The following TRAPPC2L variants were observed in gnomAD, a reference collection of about 807,000 sequenced individuals.
TRAPPC2L encodes trafficking protein particle complex subunit 2L, also known as trafficking protein particle complex subunit 2-like protein.
A neutral mutation model predicts 13.2 loss-of-function variants in TRAPPC2L; 17 were observed. That is an observed-to-expected ratio of 1.29 (90% CI 0.88 to 1.93). The LOEUF is 1.93. Among genes scored for constraint, TRAPPC2L ranks in the 30% most tolerant of loss-of-function variants. The probability of loss-of-function intolerance (pLI) is 0.00; values close to 1 mark genes in which losing one functional copy is unlikely to be tolerated. For synonymous variants in TRAPPC2L, 150 were observed against 98.1 expected (o/e 1.53, Z -3.12); for missense variants, 359 against 252.1 (o/e 1.42, Z -2.87).
chr16:88,860,052 T>G, exon 4 of TRAPPC2L: 2 of 1,296,868 alleles, frequency 1.5e-6, no homozygotes, highest in Non-Finnish European at 2.2e-6. Flanking sequence ...ATGCAACCAT[T>G]TGGAAAATAA....
chr16:88,861,939 G>GA, exon 4 of TRAPPC2L: 1 of 250,720 alleles, frequency 4.0e-6, no homozygotes, highest in South Asian at 3.6e-5. Flanking sequence ...AATTATAGAA[G>GA]AAAAAATCAG....
At chr16:88,856,513 C>G (rs1164658320), upstream of TRAPPC2L, 1 of 697,932 alleles carries the variant, frequency 1.4e-6, no homozygotes, top group South Asian at 1.5e-5. Context: ...TGATCGGTGA[C>G]CGCCGAGACC....
At chr16:88,856,887 G>A (rs781533703), upstream of TRAPPC2L, 12 of 1,504,914 alleles carry the variant, frequency 8.0e-6, no homozygotes, top group African/African-American at 1.2e-4. Flanking sequence ...TGGCAACCAC[G>A]GGAGCCGCGG....
chr16:88,859,239 C>A (rs3784876), intron 2 of TRAPPC2L: 16,602 of 536,476 alleles, frequency 0.031, 414 homozygotes, highest in African/African-American at 0.097. Context: ...CAAAAGTCAT[C>A]ATGTAGCCTG....
At chr16:88,858,752 T>G in exon 2 of TRAPPC2L, 1 of 1,613,470 alleles carries the variant, frequency 6.2e-7, no homozygotes, top group Non-Finnish European at 8.5e-7. Context: ...CAGAGGGAGC[T>G]GTACCTGGGC....
chr16:88,858,307 GAGA>G (rs1314144128), intron 1 of TRAPPC2L, among the ~76,000 whole-genome samples: 1 of 152,236 alleles, frequency 6.6e-6, no homozygotes, highest in Non-Finnish European at 1.5e-5. Flanking sequence ...TGGCCTCCAG[GAGA>G]AGGTGAGAGG....
exon 4 of TRAPPC2L, chr16:88,861,824 A>G: frequency 2.8e-6 from 1 of 359,838 alleles, no homozygotes; most frequent in Non-Finnish European, 5.6e-6. Flanking sequence ...GCAGCAGGAA[A>G]GGCTGTAAGG....
At chr16:88,858,691 C>T (rs1228625748) in exon 2 of TRAPPC2L, 2 of 1,613,534 alleles carry the variant, frequency 1.2e-6, no homozygotes, top group Admixed American at 3.3e-5. Context: ...GCACACATCT[C>T]TGGACGTGGT....
rs371486163 is a variant in TRAPPC2L, at chr16:88,859,959, C to T, written c.361C>T (p.Arg121Cys). 96 of 1,526,944 alleles carry T rather than the reference C, an allele frequency of 6.3e-5. No homozygotes were observed. The highest frequency in any genetic ancestry group is 5.6e-4 in the Admixed American group (32 of 57,208). The allele number at this position is 1,526,944 out of a possible 1,614,324, so 94.6% of individuals were successfully genotyped here. The change falls in exon 4 of 4, where the codon CGC (arginine) becomes TGC (cysteine). Residue 121 changes from arginine to cysteine, a missense_variant. Physicochemically the swap from Arg to Cys is radical, Grantham distance 180. Coordinates refer to ENST00000565504, the Ensembl canonical transcript of TRAPPC2L. ...CAACCCCTTCTACAACCCGGGGGAC[C>T]GCATCCAGTCCAGGTGGGCCCTACT...
At chr16:88,856,268 G>A (rs1967867390), upstream of TRAPPC2L, 1 of 703,052 alleles carries the variant, frequency 1.4e-6, no homozygotes, top group East Asian at 2.7e-5. Flanking sequence ...GCCCAGCGGG[G>A]GGACCCGGCG....
intron 2 of TRAPPC2L, chr16:88,859,326 G>A (rs578192161): frequency 1.4e-4 from 90 of 660,086 alleles, no homozygotes; most frequent in African/African-American, 1.2e-3. Flanking sequence ...CCTTGTTCAC[G>A]AAGCCTCTGG....
intron 1 of TRAPPC2L, among the ~76,000 whole-genome samples, chr16:88,858,154 G>A (rs1048379999): frequency 1.3e-5 from 2 of 152,232 alleles, no homozygotes; most frequent in Admixed American, 6.5e-5. Flanking sequence ...GCTTCCAATG[G>A]TCAGAAATGC....
chr16:88,857,871 C>A (rs563897407), intron 1 of TRAPPC2L, among the ~76,000 whole-genome samples: 1 of 152,230 alleles, frequency 6.6e-6, no homozygotes, highest in Non-Finnish European at 1.5e-5. Context: ...CCACACGCTC[C>A]TGCTGCACGG....
intron 2 of TRAPPC2L, 27 bp downstream of exon 2, chr16:88,858,818 A>G (rs377547412): frequency 8.1e-6 from 13 of 1,600,148 alleles, no homozygotes; most frequent in Admixed American, 1.7e-5. Context: ...GGTGTGTGTC[A>G]GGGAGGACCT....
At chr16:88,856,802 C>T (rs1233873227), upstream of TRAPPC2L, 1 of 1,541,372 alleles carries the variant, frequency 6.5e-7, no homozygotes, top group Non-Finnish European at 8.7e-7. Flanking sequence ...TGCGGGGCGC[C>T]CGAGGCCCCC....
exon 4 of TRAPPC2L, chr16:88,860,193 G>A (rs972942737): frequency 2.3e-5 from 16 of 708,506 alleles, no homozygotes; most frequent in Non-Finnish European, 3.3e-5. Flanking sequence ...AGTGTGTGTG[G>A]TGTGGGGAGT....
chr16:88,856,749 C>G (rs1227558564), upstream of TRAPPC2L: 2 of 1,512,052 alleles, frequency 1.3e-6, no homozygotes, highest in Non-Finnish European at 1.8e-6. Context: ...TCCCACCGCC[C>G]GCACTCACGT....
rs1753843840 is a variant in TRAPPC2L, at chr16:88,860,248, G to A, written c.650G>A (p.Trp217Ter). The A allele has an allele frequency of 1.4e-6, 1 of 702,474 alleles. No individual in the cohort carries two copies. Among genetic ancestry groups the A allele is most frequent in the Non-Finnish European group, 2.6e-6 (1 of 384,950 alleles). 43.5% of individuals were successfully genotyped at this position (702,474 alleles called of 1,614,324 possible). ...TCCCAGGTGTGCCCAGTGGGTACCTGGGGCACCTGCAGGACTCAGGGCCAA... is the reference window on the plus strand; with the variant it reads ...TCCCAGGTGTGCCCAGTGGGTACCTAGGGCACCTGCAGGACTCAGGGCCAA... Residue 217 changes from tryptophan (W) to a stop codon, truncating the protein, a stop_gained, in exon 4 of 4, where the codon TGG becomes TAG. Transcript: ENST00000565504. LOFTEE classifies it low-confidence loss of function (END_TRUNC).
chr16:88,856,966 T>C (rs1967958120), upstream of TRAPPC2L: 1 of 1,407,456 alleles, frequency 7.1e-7, no homozygotes, highest in Non-Finnish European at 9.2e-7. Context: ...GGGCGGGGCC[T>C]GGACGGCCAC....
Sources: allele counts gnomAD v4.1 joint callset (sites outside exome capture counted in the v4.1 genomes callset), GRCh38; gene constraint gnomAD v4.1.1; transcripts MANE v1.5; gene names NCBI Gene and HGNC (gene_info 2026-07-23, HGNC 2026-07-21).